The following FAHD2B variants were observed in gnomAD, a reference collection of about 807,000 sequenced individuals.
FAHD2B encodes the protein fumarylacetoacetate hydrolase domain containing 2B, also known as oxaloacetate tautomerase FAHD2B, mitochondrial.
Under a neutral mutation model 33.7 loss-of-function variants are expected in FAHD2B, and 26 were observed. The observed-to-expected ratio is 0.77, with a 90% CI of 0.57 to 1.07. The LOEUF is 1.07. Ranked by LOEUF, FAHD2B falls within the 50% of genes least tolerant of loss-of-function variation. The probability of loss-of-function intolerance (pLI) is 0.00; values close to 1 mark genes in which losing one functional copy is unlikely to be tolerated. For missense variants in FAHD2B, 272 were observed against 388.1 expected (o/e 0.70, Z 2.51); for synonymous variants, 108 against 150.9 (o/e 0.72, Z 2.08).
Position 97,084,207 on chromosome 2 carries a change from C to T in FAHD2B, c.756G>A (p.Met252Ile). 2 of 1,613,774 alleles carry T rather than the reference C, an allele frequency of 1.2e-6. No individual in the cohort carries two copies. Among genetic ancestry groups the T allele is most frequent in the Non-Finnish European group, 1.7e-6 (2 of 1,179,840 alleles). The change falls in exon 7 of 9, where the codon ATG (methionine) becomes ATA (isoleucine). Residue 252 changes from methionine (M) to isoleucine (I), a missense_variant. Coordinates refer to ENST00000414820, the MANE Select transcript of FAHD2B (RefSeq NM_001320848.2). ...EVVQSSNTNQMVFKTEDLIAW... is the reference protein window; with the variant it reads ...EVVQSSNTNQIVFKTEDLIAW... ...CTATCAGGTCCTCTGTCTTGAATAC[C>T]ATCTGGTTGGTGTTGCTGCTCTGGA...
At chr2:97,085,174 C>T (rs1333664787) in intron 6 of FAHD2B, among the ~76,000 whole-genome samples, 1 of 151,100 alleles carries the variant, frequency 6.6e-6, no homozygotes. Context: ...GCATGGCTGG[C>T]CCATGTGGAC....
chr2:97,082,633 G>T, downstream of FAHD2B: 2 of 1,544,866 alleles, frequency 1.3e-6, no homozygotes, highest in Non-Finnish European at 1.8e-6. Context: ...TTAAACAAGA[G>T]GAGAGAAGCC....
Position 97,084,101 on chromosome 2 carries a change from G to A in FAHD2B, c.795-66C>T. 4.3e-6 allele frequency: 7 copies of A among 1,613,250 alleles called. 1 individual carries two copies. Among genetic ancestry groups the A allele is most frequent in the South Asian group, 2.2e-5 (2 of 90,906 alleles). On this transcript the variant is annotated intron_variant, in intron 7 of 8. Transcript: ENST00000414820. ...CTGAGTGGCCACAGCCAAAGGTGGA[G>A]GGCTCAGGTCAGCCTCCACATGTGT...
intron 1 of FAHD2B, among the ~76,000 whole-genome samples, chr2:97,093,470 T>TC (rs1234602257): frequency 8.1e-6 from 1 of 123,142 alleles, no homozygotes; most frequent in East Asian, 2.0e-4. Context: ...CTGATTTAAT[T>TC]CTTTTTTTTT....
In FAHD2B at chr2:97,083,643, A is replaced by C. The variant is rs183862209; in HGVS notation, c.*112T>G. On this transcript the variant is annotated 3_prime_UTR_variant, in exon 9 of 9. Transcript: ENST00000414820. ...TCTGTCCTTCTCCCTTCTACCGAGA[A>C]GAGGCGGCTTGCAGGGCTGGCACCT... The C allele has an allele frequency of 1.3e-4, 195 of 1,547,690 alleles. 1 individual carries two copies. The East Asian group carries it at 4.4e-3, about 35-fold the overall frequency.
At chr2:97,078,995 A>G (rs1303963797), downstream of FAHD2B, among the ~76,000 whole-genome samples, 2 of 152,126 alleles carry the variant, frequency 1.3e-5, no homozygotes, top group African/African-American at 2.4e-5. Flanking sequence ...GCTCCCACTT[A>G]TAAGTAAGAA....
chr2:97,089,352 C>T (rs1230902667), intron 4 of FAHD2B, among the ~76,000 whole-genome samples: 1 of 150,818 alleles, frequency 6.6e-6, no homozygotes, highest in Non-Finnish European at 1.5e-5. Flanking sequence ...AACCCCATCT[C>T]TACTAAAAAT....
chr2:97,081,473 GC>G, downstream of FAHD2B: 1 of 1,583,556 alleles, frequency 6.3e-7, no homozygotes. Flanking sequence ...GTCAGGAGGT[GC>G]TGGACAGGCT....
intron 3 of FAHD2B, among the ~76,000 whole-genome samples, chr2:97,090,741 G>A (rs1396950442): frequency 6.6e-6 from 1 of 151,696 alleles, no homozygotes; most frequent in African/African-American, 2.4e-5. Context: ...TTAACAATAT[G>A]TAACAATACA....
At position 97,084,290 on chromosome 2, in the gene FAHD2B, G is replaced by C; in HGVS notation, c.686-13C>G. 1 of 1,612,734 alleles carries C rather than the reference G, an allele frequency of 6.2e-7. No homozygotes were observed. The highest frequency in any genetic ancestry group is 8.5e-7 in the Non-Finnish European group (1 of 1,179,722). On this transcript the variant is annotated splice_polypyrimidine_tract_variant and intron_variant, in intron 6 of 8. Transcript: ENST00000414820. ...AAGTTGTGTGGATCTGAAATGCAAA[G>C]ATGGAACCTTGGAGTTATCCCTTTT...
At chr2:97,081,623 G>A (rs1312461280), downstream of FAHD2B, 152 of 1,472,164 alleles carry the variant, frequency 1.0e-4, no homozygotes, top group Non-Finnish European at 1.3e-4. Flanking sequence ...TGTGTGTGCT[G>A]TGGGGGTGGG....
rs532358893 is a variant in FAHD2B, at chr2:97,089,727, G to A, written c.462+382C>T. ...TGTCAGGGAGAATATTTAATGGCAT[G>A]AAAAAATGCTCCTGATGGAGTCTTA... On this transcript the variant is annotated intron_variant, in intron 4 of 8. Coordinates refer to ENST00000414820, the MANE Select transcript of FAHD2B (RefSeq NM_001320848.2). The A allele has an allele frequency of 2.1e-3, 421 of 196,198 alleles. 3 individuals carry two copies. Among genetic ancestry groups the A allele is most frequent in the Middle Eastern group, 6.5e-3 (3 of 462 alleles). The allele number at this position is 196,198 out of a possible 1,614,324, so 12.2% of individuals were successfully genotyped here.
At chr2:97,089,866 C>T (rs1439542722) in intron 4 of FAHD2B, 18 of 602,530 alleles carry the variant, frequency 3.0e-5, no homozygotes, top group South Asian at 2.1e-4. Flanking sequence ...TTATGGGTGA[C>T]GTAATTTTTA....
intron 1 of FAHD2B, among the ~76,000 whole-genome samples, chr2:97,093,633 C>A (rs1288890902): frequency 1.3e-5 from 2 of 151,974 alleles, no homozygotes; most frequent in African/African-American, 4.8e-5. Context: ...TGCCGCCACG[C>A]CCGGCTAATT....
At chr2:97,083,465 C>G (rs562577653), downstream of FAHD2B, 146 of 1,201,046 alleles carry the variant, frequency 1.2e-4, no homozygotes, top group Non-Finnish European at 1.6e-4. Context: ...TTCCCCAGCC[C>G]AGCAGCATCT....
downstream of FAHD2B, chr2:97,082,019 G>A (rs796958129): frequency 3.0e-5 from 47 of 1,569,350 alleles, no homozygotes; most frequent in Non-Finnish European, 3.7e-5. Context: ...ACAGGGCAAC[G>A]GCGACTGAGC....
Position 97,086,676 on chromosome 2 carries a change from G to A in FAHD2B, c.463-478C>T, listed in dbSNP as rs567555728. ...ACATGGCCACAAAACATGAAAAAAT[G>A]CTCAGCCTCTCCCATAATCCATAAA... On this transcript the variant is annotated intron_variant, in intron 4 of 8. Transcript: ENST00000414820. The A allele has an allele frequency of 2.4e-4, 38 of 158,518 alleles. No individual in the cohort carries two copies. The South Asian group carries it at 6.5e-3, about 27-fold the overall frequency. 9.8% of individuals were successfully genotyped at this position (158,518 alleles called of 1,614,324 possible).
chr2:97,082,361 G>A (rs1444287039), downstream of FAHD2B: 1 of 1,611,860 alleles, frequency 6.2e-7, no homozygotes, highest in Non-Finnish European at 8.5e-7. Flanking sequence ...GGCTGTGTCT[G>A]TGCTGGGTGC....
downstream of FAHD2B, chr2:97,081,635 A>T (rs1289889074): frequency 6.9e-7 from 1 of 1,455,180 alleles, no homozygotes; most frequent in Non-Finnish European, 9.0e-7. Flanking sequence ...GGGGGTGGGC[A>T]GCCCCTGGCC....
Sources: gnomAD v4.1 joint callset for allele counts (sites outside exome capture counted in the v4.1 genomes callset) on GRCh38, gnomAD v4.1.1 for gene constraint, MANE v1.5 for transcripts, NCBI Gene and HGNC (gene_info 2026-07-23, HGNC 2026-07-21) for gene names.